The following ENTREP3 variants were observed in gnomAD, a reference collection of about 807,000 sequenced individuals.
ENTREP3 encodes the protein endosomal transmembrane epsin interactor 3.
the ENTREP3 span, chr1:155,251,494 GCT>G: frequency 6.2e-7 from 1 of 1,607,576 alleles, no homozygotes; most frequent in Non-Finnish European, 8.5e-7. Flanking sequence ...GCCGTGCTGT[GCT>G]CTCACCTGGC....
the ENTREP3 span, chr1:155,254,514 T>C: frequency 6.3e-7 from 1 of 1,591,660 alleles, no homozygotes; most frequent in African/African-American, 1.3e-5. The surrounding 1 kb of genome is among the most constrained non-coding windows in gnomAD (Gnocchi z 4.4). Flanking sequence ...AGTGAGCCCC[T>C]CACCACAGGA....
the ENTREP3 span, chr1:155,254,832 GCCGGCT>G: frequency 3.1e-6 from 5 of 1,601,720 alleles, no homozygotes; most frequent in Non-Finnish European, 4.3e-6. The surrounding 1 kb of genome is among the most constrained non-coding windows in gnomAD (Gnocchi z 4.4). Flanking sequence ...CTGGTGCTGG[GCCGGCT>G]GGTCAGCGAG....
the ENTREP3 span, chr1:155,254,577 C>A: frequency 2.6e-6 from 4 of 1,557,204 alleles, no homozygotes; most frequent in Non-Finnish European, 3.5e-6. This position sits in a 1 kb window ranked among gnomAD's most constrained non-coding sequence, Gnocchi z 4.4. Flanking sequence ...GAGAGGCAAG[C>A]ATGTGGACTT....
chr1:155,250,177 G>A, the ENTREP3 span: 1 of 1,051,104 alleles, frequency 9.5e-7, no homozygotes, highest in East Asian at 2.9e-5. This position sits in a 1 kb window ranked among gnomAD's most constrained non-coding sequence, Gnocchi z 5.4. Context: ...TTCCTCCTCA[G>A]GGACCTCAAC....
At chr1:155,250,930 C>A in the ENTREP3 span, 1 of 1,303,514 alleles carries the variant, frequency 7.7e-7, no homozygotes, top group South Asian at 1.4e-5. The surrounding 1 kb of genome is among the most constrained non-coding windows in gnomAD (Gnocchi z 5.4). Flanking sequence ...GTGCCTCCAG[C>A]TTTATCTCAG....
At chr1:155,254,515 C>T in the ENTREP3 span, 10 of 1,592,486 alleles carry the variant, frequency 6.3e-6, no homozygotes, top group Admixed American at 1.5e-4. The surrounding 1 kb of genome is among the most constrained non-coding windows in gnomAD (Gnocchi z 4.4). Flanking sequence ...GTGAGCCCCT[C>T]ACCACAGGAT....
the ENTREP3 span, among the ~76,000 whole-genome samples, chr1:155,252,412 C>A: frequency 2.6e-5 from 4 of 151,550 alleles, no homozygotes; most frequent in African/African-American, 9.7e-5. Context: ...TCTTGTCGCC[C>A]AGGCTGGAGT....
At chr1:155,252,690 G>GTGTGTATA in the ENTREP3 span, 2 of 32,880 alleles carry the variant, frequency 6.1e-5, no homozygotes, top group African/African-American at 1.9e-4. Context: ...AATTTTGTGT[G>GTGTGTATA]TATATATATA....
the ENTREP3 span, among the ~76,000 whole-genome samples, chr1:155,252,230 G>C: frequency 6.6e-6 from 1 of 150,882 alleles, no homozygotes; most frequent in African/African-American, 2.4e-5. Flanking sequence ...TTGAGACAGA[G>C]TCTGACTCTG....
chr1:155,252,305 C>T, the ENTREP3 span, among the ~76,000 whole-genome samples: 1 of 151,882 alleles, frequency 6.6e-6, no homozygotes, highest in Non-Finnish European at 1.5e-5. Flanking sequence ...TCAAGCAATT[C>T]CCATGCCTCA....
chr1:155,250,601 G>T, the ENTREP3 span: 1 of 1,607,862 alleles, frequency 6.2e-7, no homozygotes, highest in East Asian at 2.2e-5. This position sits in a 1 kb window ranked among gnomAD's most constrained non-coding sequence, Gnocchi z 5.4. Context: ...CAGCCCGTGG[G>T]GGGCGCCGTG....
At chr1:155,250,694 A>G in the ENTREP3 span, 1 of 1,612,862 alleles carries the variant, frequency 6.2e-7, no homozygotes, top group South Asian at 1.1e-5. This position sits in a 1 kb window ranked among gnomAD's most constrained non-coding sequence, Gnocchi z 5.4. Flanking sequence ...GGATGGAGCG[A>G]AAGAGAACGT....
the ENTREP3 span, among the ~76,000 whole-genome samples, chr1:155,252,498 T>A: frequency 2.0e-5 from 3 of 149,650 alleles, no homozygotes; most frequent in Admixed American, 2.0e-4. Context: ...GTCTTCCGAG[T>A]AGCTGGGATT....
chr1:155,250,449 C>A, the ENTREP3 span: 3 of 1,478,248 alleles, frequency 2.0e-6, no homozygotes, highest in Non-Finnish European at 2.7e-6. This position sits in a 1 kb window ranked among gnomAD's most constrained non-coding sequence, Gnocchi z 5.4. Flanking sequence ...GCGGCCCCCT[C>A]CCCGGGGGAC....
chr1:155,248,920 T>C, the ENTREP3 span, among the ~76,000 whole-genome samples: 3 of 151,968 alleles, frequency 2.0e-5, no homozygotes, highest in African/African-American at 7.3e-5. Flanking sequence ...TTCACCATGT[T>C]GGCTAGGCTG....
the ENTREP3 span, chr1:155,251,592 G>A: frequency 6.2e-7 from 1 of 1,613,902 alleles, no homozygotes; most frequent in Non-Finnish European, 8.5e-7. Context: ...TGGAGCCATT[G>A]TACGTGATGC....
chr1:155,249,802 C>T, the ENTREP3 span, among the ~76,000 whole-genome samples: 2 of 149,964 alleles, frequency 1.3e-5, no homozygotes, highest in Admixed American at 6.7e-5. Context: ...AGGAGAATGG[C>T]GTGAACCCGG....
At chr1:155,253,812 G>C in the ENTREP3 span, 3 of 1,611,490 alleles carry the variant, frequency 1.9e-6, no homozygotes, top group Non-Finnish European at 1.7e-6. Flanking sequence ...CCCAGCAGGG[G>C]AGGCAAGAGT....
At chr1:155,250,775 G>T in the ENTREP3 span, 5 of 1,611,458 alleles carry the variant, frequency 3.1e-6, no homozygotes, top group Non-Finnish European at 4.2e-6. This position sits in a 1 kb window ranked among gnomAD's most constrained non-coding sequence, Gnocchi z 5.4. Context: ...AGCCCCCAGG[G>T]AGGTCACCAA....
Sources: allele counts gnomAD v4.1 joint callset (sites outside exome capture counted in the v4.1 genomes callset), GRCh38; gene constraint gnomAD v4.1.1; non-coding constraint Gnocchi (gnomAD v3.1); transcripts MANE v1.5; gene names NCBI Gene and HGNC (gene_info 2026-07-23, HGNC 2026-07-21).